The following PBRM1 variants were observed in gnomAD, a reference collection of about 807,000 sequenced individuals.
PBRM1 encodes the protein polybromo 1.
In PBRM1, 27 loss-of-function variants were observed where a neutral mutation model predicts 194.5. The ratio of observed to expected loss-of-function variants is 0.14; its 90% confidence interval spans 0.10 to 0.19. The LOEUF (loss-of-function observed/expected upper bound fraction) is 0.19, where lower values mean the gene tolerates loss of function less well. Among genes scored for constraint, PBRM1 ranks in the 10% least tolerant of loss-of-function variants. PBRM1 has a pLI of 1.00. For missense variants in PBRM1, 1,466 were observed against 2,077.2 expected (o/e 0.71, Z 5.72); for synonymous variants, 655 against 693.2 (o/e 0.94, Z 0.87).
chr3:52,581,443 G>T (rs893470661), intron 20 of PBRM1, among the ~76,000 whole-genome samples: 1 of 151,418 alleles, frequency 6.6e-6, no homozygotes, highest in African/African-American at 2.4e-5. Context: ...TCATGAGGCG[G>T]AGGTTGCAGT....
chr3:52,602,802 T>C (rs1369606560), intron 17 of PBRM1, among the ~76,000 whole-genome samples: 1 of 152,210 alleles, frequency 6.6e-6, no homozygotes, highest in Non-Finnish European at 1.5e-5. Context: ...CAACCAAGTC[T>C]CTTTCCCTTC....
chr3:52,599,844 T>A (rs1157191141), intron 17 of PBRM1, among the ~76,000 whole-genome samples: 4 of 149,138 alleles, frequency 2.7e-5, no homozygotes, highest in Non-Finnish European at 4.5e-5. Flanking sequence ...AAAAAAAAAA[T>A]TTTTTTTTAC....
intron 17 of PBRM1, among the ~76,000 whole-genome samples, chr3:52,595,618 T>C (rs889558451): frequency 1.3e-5 from 2 of 152,226 alleles, no homozygotes; most frequent in Non-Finnish European, 2.9e-5. Flanking sequence ...TTTTTCCCAC[T>C]CTGTGGGTTG....
intron 2 of PBRM1, among the ~76,000 whole-genome samples, chr3:52,674,327 C>CA: frequency 6.8e-6 from 1 of 147,768 alleles, no homozygotes; most frequent in African/African-American, 2.5e-5. Context: ...ACTAAAAATA[C>CA]AAAATTAGCT....
intron 9 of PBRM1, among the ~76,000 whole-genome samples, chr3:52,642,442 C>G (rs2096128964): frequency 6.6e-6 from 1 of 151,978 alleles, no homozygotes; most frequent in African/African-American, 2.4e-5. Flanking sequence ...TGGTGAAACC[C>G]CATCTCTACT....
intron 13 of PBRM1, among the ~76,000 whole-genome samples, chr3:52,624,524 GATC>G (rs1278852437): frequency 6.6e-6 from 1 of 152,166 alleles, no homozygotes; most frequent in African/African-American, 2.4e-5. Flanking sequence ...AGCTGATTTT[GATC>G]CCTCCACCAC....
At chr3:52,649,819 T>G (rs1318354527) in intron 6 of PBRM1, among the ~76,000 whole-genome samples, 5 of 152,024 alleles carry the variant, frequency 3.3e-5, no homozygotes, top group Non-Finnish European at 7.4e-5. Flanking sequence ...TTCCAGTAAT[T>G]TGGACATAAG....
chr3:52,674,451 C>T (rs2097035871), intron 2 of PBRM1, among the ~76,000 whole-genome samples: 1 of 145,654 alleles, frequency 6.9e-6, no homozygotes, highest in African/African-American at 2.5e-5. Context: ...CGCACCACTG[C>T]ACTCCAGCCT....
intron 16 of PBRM1, among the ~76,000 whole-genome samples, chr3:52,604,155 A>AT (rs1326937051): frequency 2.6e-5 from 4 of 152,234 alleles, no homozygotes; most frequent in African/African-American, 9.6e-5. Context: ...GTGTTACATA[A>AT]TAGGCTCTAT....
At chr3:52,562,965 G>A (rs2153511446) in intron 24 of PBRM1, among the ~76,000 whole-genome samples, 1 of 152,244 alleles carries the variant, frequency 6.6e-6, no homozygotes, top group Non-Finnish European at 1.5e-5. Context: ...ACAGGGTGAT[G>A]TTGCTCCTTA....
chr3:52,673,234 C>T (rs1318877881), intron 2 of PBRM1, among the ~76,000 whole-genome samples: 2 of 150,446 alleles, frequency 1.3e-5, no homozygotes, highest in African/African-American at 2.4e-5. Context: ...GTGATCCACC[C>T]GCCTCAGCCT....
chr3:52,570,674 A>G (rs973692019), intron 22 of PBRM1, among the ~76,000 whole-genome samples: 5 of 152,228 alleles, frequency 3.3e-5, no homozygotes. Flanking sequence ...TAAAAAAATT[A>G]TCAAGACCTG....
At chr3:52,642,068 T>C in intron 9 of PBRM1, 23 bp from the exon 11 acceptor site, 1 of 1,126,386 alleles carries the variant, frequency 8.9e-7, no homozygotes, top group Non-Finnish European at 1.3e-6. Flanking sequence ...AAAAAGCAAT[T>C]AGACAGGGAA....
At chr3:52,665,021 C>T (rs1022403041) in intron 3 of PBRM1, among the ~76,000 whole-genome samples, 1 of 152,164 alleles carries the variant, frequency 6.6e-6, no homozygotes, top group African/African-American at 2.4e-5. Flanking sequence ...ATACTAAAGA[C>T]AGCCAGAAAA....
intron 22 of PBRM1, among the ~76,000 whole-genome samples, chr3:52,572,851 T>C (rs142194961): frequency 1.3e-5 from 2 of 152,238 alleles, no homozygotes; most frequent in African/African-American, 4.8e-5. Context: ...CAAAATATGA[T>C]TTACATTTAA....
At chr3:52,636,522 C>A (rs1002484333) in intron 10 of PBRM1, among the ~76,000 whole-genome samples, 2 of 151,248 alleles carry the variant, frequency 1.3e-5, no homozygotes, top group African/African-American at 2.4e-5. Context: ...CTTTGGGAGG[C>A]CAAGGCGGGC....
At chr3:52,659,023 T>A (rs1271353923) in intron 4 of PBRM1, among the ~76,000 whole-genome samples, 1 of 152,222 alleles carries the variant, frequency 6.6e-6, no homozygotes, top group African/African-American at 2.4e-5. Flanking sequence ...TACAGGACAA[T>A]GACTACTTAC....
chr3:52,563,378 C>T, exon 24 of PBRM1: 2 of 1,613,994 alleles, frequency 1.2e-6, no homozygotes, highest in East Asian at 2.2e-5. Context: ...CTATCTTCTT[C>T]TCCCATCTCT....
At chr3:52,577,708 TACTATCTTTTGCAATC>T (rs2090041484) in intron 21 of PBRM1, among the ~76,000 whole-genome samples, 1 of 152,166 alleles carries the variant, frequency 6.6e-6, no homozygotes, top group Non-Finnish European at 1.5e-5. Context: ...ACCTTCAAAA[TACTATCTTTTGCAATC>T]ACCCTGGTCT....
Sources: gnomAD v4.1 joint callset for allele counts (sites outside exome capture counted in the v4.1 genomes callset) on GRCh38, gnomAD v4.1.1 for gene constraint, MANE v1.5 for transcripts, NCBI Gene and HGNC (gene_info 2026-07-23, HGNC 2026-07-21) for gene names.